MTOR: variants seen among roughly 807,000 people sequenced by gnomAD.
The protein encoded by MTOR is mechanistic target of rapamycin kinase.
Under a neutral mutation model 319.8 loss-of-function variants are expected in MTOR, and 70 were observed. The observed-to-expected ratio is 0.22, with a 90% CI of 0.18 to 0.27. MTOR has a LOEUF of 0.27. Among genes scored for constraint, MTOR ranks in the 10% least tolerant of loss-of-function variants. The pLI is 1.00. For missense variants in MTOR, 1,890 were observed against 3,274.4 expected, an observed-to-expected ratio of 0.58 and a Z score of 10.32; for synonymous variants, 1,183 against 1,211.4, an observed-to-expected ratio of 0.98 and a Z score of 0.49.
chr1:11,126,612 T>C lies in MTOR; in HGVS notation c.6526+10A>G, dbSNP rs750958335. 25 of 1,613,210 alleles carry C rather than the reference T, an allele frequency of 1.5e-5. No individual in the cohort carries two copies. The highest frequency in any genetic ancestry group is 1.7e-4 in the Middle Eastern group (1 of 5,996). ...AGAAGTGGGTGACAGAAGTGCACAA[T>C]GGTCCTTACCCATAAGTGTCAATTT... On this transcript the variant is annotated intron_variant, in intron 46 of 57. Transcript: ENST00000361445.
intron 28 of MTOR, among the ~76,000 whole-genome samples, chr1:11,178,160 G>A (rs756589999): frequency 2.0e-5 from 3 of 152,192 alleles, no homozygotes; most frequent in Non-Finnish European, 4.4e-5. Context: ...TCTATGCTAA[G>A]TGAACTGTCC....
At position 11,248,027 on chromosome 1, in the gene MTOR, A is replaced by C. The variant is rs1649076096; in HGVS notation, c.908T>G (p.Leu303Arg). The stretch of plus-strand genomic sequence containing the variant: ...ACGAGGTTTTGTTCCGAAGCCCATG[A>C]GATCTTTGCAGTACTTGTCGTGTAC... Reference protein sequence around the residue: ...QLVHDKYCKDLMGFGTKPRHI... With the variant: ...QLVHDKYCKDRMGFGTKPRHI... The change falls in exon 7 of 58, where the codon CTC becomes CGC. Residue 303 changes from leucine (L) to arginine (R), a missense_variant. By Grantham distance (102) the Leu-to-Arg change is moderately radical. This residue lies in a region of MTOR where 418 missense variants were observed against 543.1 expected (regional missense o/e 0.77). Coordinates refer to ENST00000361445, the MANE Select transcript of MTOR (RefSeq NM_004958.4). 1 of 1,614,048 alleles carries C rather than the reference A, an allele frequency of 6.2e-7. No individual in the cohort carries two copies. The highest frequency in any genetic ancestry group is 1.1e-5 in the South Asian group (1 of 91,084).
chr1:11,134,434 G>A lies in MTOR; in HGVS notation c.5163C>T (p.Val1721=), dbSNP rs1456942953. The change falls in exon 37 of 58, where the codon GTC becomes GTT. Residue 1721 remains valine, a synonymous_variant. Transcript: ENST00000361445. ...IDAFQHMQHF[V]QTMQQQAQHA... ...GCTGGGCCTGTTGCTGCATGGTCTG[G>A]ACAAAATGCTGCATGTGCTGGAAGG... 6.2e-7 allele frequency: 1 copy of A among 1,614,180 alleles called. No homozygotes were observed. The highest frequency in any genetic ancestry group is 8.5e-7 in the Non-Finnish European group (1 of 1,180,026).
At position 11,129,621 on chromosome 1, in the gene MTOR, C is replaced by T. The variant is rs1643015240; in HGVS notation, c.5714+117G>A. 4.6e-6 allele frequency: 4 copies of T among 864,622 alleles called. No homozygotes were observed. Among genetic ancestry groups the T allele is most frequent in the Non-Finnish European group, 7.4e-6 (4 of 542,976 alleles). The allele number at this position is 864,622 out of a possible 1,614,324, so 53.6% of individuals were successfully genotyped here. ...ATGCAGTGCAGAAAAAAGGCACATA[C>T]ATCGATCTTGGGTGTCCTGATCAGG... On this transcript the variant is annotated intron_variant, in intron 40 of 57. Coordinates refer to ENST00000361445, the MANE Select transcript of MTOR (RefSeq NM_004958.4). The surrounding 1 kb of genome is among the most constrained non-coding windows in gnomAD (Gnocchi z 4.7).
chr1:11,253,307 CATT>C (rs2100964234), intron 6 of MTOR, among the ~76,000 whole-genome samples: 1 of 152,316 alleles, frequency 6.6e-6, no homozygotes, highest in Non-Finnish European at 1.5e-5. Flanking sequence ...CCTTTCCCCA[CATT>C]TTTTCCTATA....
intron 19 of MTOR, among the ~76,000 whole-genome samples, chr1:11,227,301 A>G (rs1478864418): frequency 5.2e-5 from 2 of 38,538 alleles, no homozygotes; most frequent in African/African-American, 7.5e-5. Context: ...TTGTCTCAAA[A>G]AAAAAAAAAA....
chr1:11,227,486 G>C (rs1646883291), intron 19 of MTOR, among the ~76,000 whole-genome samples: 1 of 151,972 alleles, frequency 6.6e-6, no homozygotes, highest in African/African-American at 2.4e-5. Flanking sequence ...ACTAATTGAG[G>C]TATCTTTTAA....
At chr1:11,193,183 G>A (rs1315509922) in intron 28 of MTOR, among the ~76,000 whole-genome samples, 2 of 151,848 alleles carry the variant, frequency 1.3e-5, no homozygotes, top group Admixed American at 1.3e-4. Flanking sequence ...CCAGTGTGGT[G>A]ACAGGCACTC....
intron 36 of MTOR, 66 bp from the exon 37 acceptor site, chr1:11,134,532 C>A: frequency 7.2e-7 from 1 of 1,384,766 alleles, no homozygotes; most frequent in Non-Finnish European, 1.0e-6. Context: ...AAGGGAGCTA[C>A]CGTTCATCTG....
chr1:11,226,184 T>C (rs1407143543), intron 19 of MTOR: 3 of 152,098 alleles, frequency 2.0e-5, no homozygotes, highest in South Asian at 4.1e-4. Flanking sequence ...AAGAATTCAA[T>C]ATACATTCAT....
chr1:11,227,834 A>G (rs925212445), intron 19 of MTOR, among the ~76,000 whole-genome samples: 3 of 152,180 alleles, frequency 2.0e-5, no homozygotes, highest in Non-Finnish European at 4.4e-5. Context: ...GATGGAAGGT[A>G]GCTGAGGAAC....
intron 5 of MTOR, 94 bp downstream of exon 5, chr1:11,255,898 G>T: frequency 9.0e-7 from 1 of 1,113,272 alleles, no homozygotes; most frequent in Non-Finnish European, 1.3e-6. Flanking sequence ...CGTGATTCTT[G>T]CTCCATGGCA....
At chr1:11,251,655 C>CTT (rs761523542) in intron 6 of MTOR, among the ~76,000 whole-genome samples, 1,277 of 113,672 alleles carry the variant, frequency 0.011, 46 homozygotes, top group South Asian at 0.069. Flanking sequence ...TAGATAGTTT[C>CTT]TTTTTTTTTT....
chr1:11,194,572 G>A (rs745621835), intron 28 of MTOR: 7 of 1,613,978 alleles, frequency 4.3e-6, no homozygotes, highest in Middle Eastern at 1.6e-4. Flanking sequence ...GGGGAACGAC[G>A]CCCTCCAGTA....
At chr1:11,242,038 G>A (rs1048613104) in intron 9 of MTOR, among the ~76,000 whole-genome samples, 2 of 152,008 alleles carry the variant, frequency 1.3e-5, no homozygotes, top group African/African-American at 4.8e-5. Flanking sequence ...GCCATCATAT[G>A]GAAAGAAATT....
chr1:11,167,974 G>A (rs1424871552), intron 28 of MTOR, among the ~76,000 whole-genome samples: 10 of 152,078 alleles, frequency 6.6e-5, no homozygotes, highest in Non-Finnish European at 1.5e-4. Flanking sequence ...GGAGGCTGAC[G>A]CGGGAGAATG....
intron 29 of MTOR, among the ~76,000 whole-genome samples, chr1:11,166,621 T>C (rs1017694591): frequency 3.9e-5 from 6 of 152,100 alleles, no homozygotes; most frequent in African/African-American, 9.7e-5. Flanking sequence ...TGTGGAGAAA[T>C]AGGAACACTG....
chr1:11,246,066 A>T (rs1200331638), intron 8 of MTOR, among the ~76,000 whole-genome samples: 3 of 152,210 alleles, frequency 2.0e-5, no homozygotes, highest in Non-Finnish European at 4.4e-5. Flanking sequence ...CCAAACTGCA[A>T]GCTTTAAACA....
intron 36 of MTOR, among the ~76,000 whole-genome samples, 162 bp from the exon 37 acceptor site, chr1:11,134,628 C>A (rs1200695690): frequency 6.6e-6 from 1 of 152,208 alleles, no homozygotes; most frequent in Admixed American, 6.5e-5. Context: ...GGGCGTGATA[C>A]TGGGAGAGAC....
Sources: gnomAD v4.1 joint callset for allele counts (sites outside exome capture counted in the v4.1 genomes callset) on GRCh38, gnomAD v4.1.1 for gene constraint, gnomAD v4.1.1 regional missense constraint, Gnocchi (gnomAD v3.1) non-coding constraint, MANE v1.5 for transcripts, NCBI Gene and HGNC (gene_info 2026-07-23, HGNC 2026-07-21) for gene names.